MARCHF4: variants seen among roughly 807,000 people sequenced by gnomAD.
MARCHF4 encodes membrane associated ring-CH-type finger 4.
Under a neutral mutation model 43.9 loss-of-function variants are expected in MARCHF4, and 14 were observed. That is an observed-to-expected ratio of 0.32 (90% CI 0.21 to 0.50). The LOEUF (loss-of-function observed/expected upper bound fraction) is 0.50, where lower values mean the gene tolerates loss of function less well. Among genes scored for constraint, MARCHF4 ranks in the 20% least tolerant of loss-of-function variants. The pLI is 0.98. For synonymous variants in MARCHF4, 226 were observed against 213.3 expected (o/e 1.06, Z -0.52); for missense variants, 468 against 536.7 (o/e 0.87, Z 1.27).
At chr2:216,314,670 C>T (rs185346966) in intron 1 of MARCHF4, among the ~76,000 whole-genome samples, 2 of 152,144 alleles carry the variant, frequency 1.3e-5, no homozygotes, top group East Asian at 1.9e-4. Flanking sequence ...TAATAGGATG[C>T]TAAAAGAAAG....
At chr2:216,263,484 G>A (rs1177515528) in intron 3 of MARCHF4, among the ~76,000 whole-genome samples, 136 of 99,236 alleles carry the variant, frequency 1.4e-3, no homozygotes, top group African/African-American at 4.8e-3. Flanking sequence ...AGAGAAAGAA[G>A]GAGAGAGAAA....
intron 3 of MARCHF4, among the ~76,000 whole-genome samples, chr2:216,270,007 T>C (rs1281324681): frequency 6.6e-6 from 1 of 152,188 alleles, no homozygotes; most frequent in Non-Finnish European, 1.5e-5. Context: ...CAAACACCTT[T>C]TACTGTTCAC....
chr2:216,339,255 G>A (rs1425279327), intron 1 of MARCHF4, among the ~76,000 whole-genome samples: 2 of 152,180 alleles, frequency 1.3e-5, no homozygotes, highest in Non-Finnish European at 2.9e-5. Context: ...AATGAAATAT[G>A]CCAAGAAATC....
chr2:216,364,533 T>C (rs1245000588), intron 1 of MARCHF4, among the ~76,000 whole-genome samples: 1 of 152,214 alleles, frequency 6.6e-6, no homozygotes, highest in Non-Finnish European at 1.5e-5. Context: ...TTCTGGAATA[T>C]GCTCCAGTTA....
rs902762752 is a variant in MARCHF4 at position 216,259,690 on chromosome 2, A to G, written c.866-11T>C. On this transcript the variant is annotated splice_polypyrimidine_tract_variant and intron_variant, in intron 3 of 3. Coordinates refer to ENST00000273067, the MANE Select transcript of MARCHF4 (RefSeq NM_020814.3). ...CATGGATGATGAGACCTGAGGCAGC[A>G]GGGAGAGGAGAAACAGAGGCCAAAT... The G allele has an allele frequency of 2.5e-6, 4 of 1,610,130 alleles. No individual in the cohort carries two copies. In the Middle Eastern group the frequency reaches 5.1e-4, roughly 204 times the overall value.
intron 1 of MARCHF4, among the ~76,000 whole-genome samples, chr2:216,356,323 T>C (rs1384005630): frequency 6.6e-6 from 1 of 152,188 alleles, no homozygotes; most frequent in African/African-American, 2.4e-5. Context: ...GCAGTATACT[T>C]ATACCTGAGG....
intron 1 of MARCHF4, among the ~76,000 whole-genome samples, chr2:216,309,519 T>A (rs1490620376): frequency 6.6e-6 from 1 of 152,194 alleles, no homozygotes; most frequent in Non-Finnish European, 1.5e-5. Flanking sequence ...AACCCCAGCC[T>A]AACTAATCAG....
At chr2:216,307,379 G>A (rs1691605091) in intron 1 of MARCHF4, among the ~76,000 whole-genome samples, 1 of 152,114 alleles carries the variant, frequency 6.6e-6, no homozygotes, top group African/African-American at 2.4e-5. Flanking sequence ...AGGAAATGGA[G>A]GAATAGAGGG....
rs185352354 is a variant in MARCHF4, at chr2:216,292,631, A to G, written c.517-8902T>C. Among the ~76,000 whole-genome samples, 5 of 152,370 alleles carry G rather than the reference A, an allele frequency of 3.3e-5. No individual in the cohort carries two copies. The East Asian group carries it at 9.6e-4, about 29-fold the overall frequency. On this transcript the variant is annotated intron_variant, in intron 1 of 3. Transcript: ENST00000273067. ...TACATTTGAGGAACCAGCTAACAAT[A>G]AGGCTTGTCAGTAACACACACACAA...
At chr2:216,317,150 G>A (rs973682058) in intron 1 of MARCHF4, among the ~76,000 whole-genome samples, 11 of 152,112 alleles carry the variant, frequency 7.2e-5, no homozygotes, top group Admixed American at 3.9e-4. Flanking sequence ...TTTCATTGGC[G>A]TCTTTATAGA....
rs191932608 is a variant in MARCHF4 at position 216,337,552 on chromosome 2, T to C, written c.516+32193A>G. 6.0e-4 allele frequency among the ~76,000 whole-genome samples: 91 copies of C among 152,332 alleles called. 1 individual carries two copies. The highest frequency in any genetic ancestry group is 2.2e-3 in the African/African-American group (91 of 41,554). On this transcript the variant is annotated intron_variant, in intron 1 of 3. Transcript: ENST00000273067. Reference sequence around the variant, plus strand: ...CCTGAATTTTCTAAAATTTCCACACTGAAAATGTGTTATTCTTTATAAAAA... The same window carrying C: ...CCTGAATTTTCTAAAATTTCCACACCGAAAATGTGTTATTCTTTATAAAAA...
chr2:216,281,224 A>G (rs1401631253), intron 2 of MARCHF4, among the ~76,000 whole-genome samples: 1 of 151,292 alleles, frequency 6.6e-6, no homozygotes, highest in African/African-American at 2.4e-5. Context: ...ATGGGCTACT[A>G]CTCCCAGCTA....
At chr2:216,345,547 A>T (rs1279180587) in intron 1 of MARCHF4, among the ~76,000 whole-genome samples, 2 of 152,120 alleles carry the variant, frequency 1.3e-5, no homozygotes, top group African/African-American at 4.8e-5. Context: ...CATTGGAATA[A>T]CCTAGGGAAA....
At chr2:216,286,303 C>T (rs1295639099) in intron 1 of MARCHF4, among the ~76,000 whole-genome samples, 1 of 152,128 alleles carries the variant, frequency 6.6e-6, no homozygotes, top group Non-Finnish European at 1.5e-5. Context: ...CTTTGGGAGG[C>T]CGAGGCAGGT....
intron 1 of MARCHF4, among the ~76,000 whole-genome samples, chr2:216,351,673 G>A (rs1427218910): frequency 2.0e-5 from 3 of 152,152 alleles, no homozygotes; most frequent in Non-Finnish European, 2.9e-5. Context: ...TGTCCGTTTT[G>A]TTTATGACGA....
intron 1 of MARCHF4, among the ~76,000 whole-genome samples, chr2:216,344,810 G>C (rs566534346): frequency 9.9e-5 from 15 of 152,036 alleles, no homozygotes; most frequent in African/African-American, 2.9e-4. Flanking sequence ...GGGTGCGAGC[G>C]GAGGTGGTAA....
chr2:216,304,324 A>G (rs573862913), intron 1 of MARCHF4, among the ~76,000 whole-genome samples: 1 of 152,152 alleles, frequency 6.6e-6, no homozygotes, highest in Non-Finnish European at 1.5e-5. Flanking sequence ...TCTGGTCTCT[A>G]TCTTGATTTC....
Position 216,259,027 on chromosome 2 carries a change from T to G in MARCHF4, c.*285A>C. ...TTCGGGTACCTTGCCTGCAGGTGCA[T>G]TGGGGCAGGGTTTTTCTGTTGGGCC... is the stretch of plus-strand genomic sequence containing the variant. On this transcript the variant is annotated 3_prime_UTR_variant, in exon 4 of 4. Transcript: ENST00000273067. 8 of 264,724 alleles carry G rather than the reference T, an allele frequency of 3.0e-5. No homozygotes were observed. The highest frequency in any genetic ancestry group is 6.7e-5 in the East Asian group (1 of 14,910). 16.4% of individuals were successfully genotyped at this position (264,724 alleles called of 1,614,324 possible).
At chr2:216,333,799 C>A (rs187585548) in intron 1 of MARCHF4, among the ~76,000 whole-genome samples, 1 of 152,276 alleles carries the variant, frequency 6.6e-6, no homozygotes, top group East Asian at 1.9e-4. Flanking sequence ...GAAAGAGACC[C>A]GTCCCTAGGA....
Sources: gnomAD v4.1 joint callset for allele counts (sites outside exome capture counted in the v4.1 genomes callset) on GRCh38, gnomAD v4.1.1 for gene constraint, MANE v1.5 for transcripts, NCBI Gene and HGNC (gene_info 2026-07-23, HGNC 2026-07-21) for gene names.